The following SYT9 variants were observed in gnomAD, a reference collection of about 807,000 sequenced individuals.
SYT9 encodes synaptotagmin-9.
A neutral mutation model predicts 48.4 loss-of-function variants in SYT9; 22 were observed. That is an observed-to-expected ratio of 0.45 (90% confidence interval 0.32 to 0.65). SYT9 has a LOEUF of 0.65. Ranked by LOEUF, SYT9 falls within the 30% of genes least tolerant of loss-of-function variation. The pLI is 0.03. For synonymous variants in SYT9, 265 were observed against 245.0 expected (o/e 1.08, Z -0.76); for missense variants, 577 against 622.0 (o/e 0.93, Z 0.77).
chr11:7,328,093 ATAATAAT>A (rs199849094), intron 3 of SYT9, among the ~76,000 whole-genome samples: 1,684 of 113,654 alleles, frequency 0.015, 31 homozygotes, highest in African/African-American at 0.05. Context: ...AATAATAATA[ATAATAAT>A]TTTAAAAAAA....
At chr11:7,303,903 G>A (rs939604847) in intron 2 of SYT9, among the ~76,000 whole-genome samples, 4 of 152,254 alleles carry the variant, frequency 2.6e-5, no homozygotes, top group Middle Eastern at 3.4e-3. Context: ...AGACTCCGCC[G>A]TGTGGCTGGA....
intron 3 of SYT9, among the ~76,000 whole-genome samples, chr11:7,402,350 T>G (rs1406747988): frequency 6.6e-6 from 1 of 152,092 alleles, no homozygotes; most frequent in Non-Finnish European, 1.5e-5. Flanking sequence ...TCATGTTGAT[T>G]GATAACATTG....
At chr11:7,444,500 T>C (rs746836814) in intron 6 of SYT9, 4 of 152,086 alleles carry the variant, frequency 2.6e-5, no homozygotes, top group Non-Finnish European at 5.9e-5. Context: ...ATTCAGCATA[T>C]TCATTTTATC....
chr11:7,325,111 T>C (rs1849406738), intron 3 of SYT9, among the ~76,000 whole-genome samples: 1 of 152,158 alleles, frequency 6.6e-6, no homozygotes, highest in African/African-American at 2.4e-5. Context: ...TCTTTGGCAT[T>C]TATAAAGTTT....
chr11:7,459,784 A>G (rs1351589425), intron 6 of SYT9, among the ~76,000 whole-genome samples: 1 of 152,212 alleles, frequency 6.6e-6, no homozygotes, highest in South Asian at 2.1e-4. Flanking sequence ...GGAGACTGCC[A>G]TGTGACAATG....
At chr11:7,423,871 TG>T (rs763497742) in intron 6 of SYT9, among the ~76,000 whole-genome samples, 2 of 152,260 alleles carry the variant, frequency 1.3e-5, no homozygotes, top group Non-Finnish European at 2.9e-5. Flanking sequence ...GACAGGCTGC[TG>T]TTATGCTCTC....
At chr11:7,339,207 A>G (rs1849676090) in intron 3 of SYT9, among the ~76,000 whole-genome samples, 1 of 151,754 alleles carries the variant, frequency 6.6e-6, no homozygotes, top group South Asian at 2.1e-4. Context: ...TTCTAGGTAG[A>G]TTTTCCTCCA....
intron 6 of SYT9, among the ~76,000 whole-genome samples, chr11:7,452,302 C>A (rs1286903764): frequency 6.6e-6 from 1 of 152,200 alleles, no homozygotes; most frequent in Non-Finnish European, 1.5e-5. Flanking sequence ...AATGTCCTGG[C>A]TCCCAGAGGC....
At chr11:7,453,302 G>A (rs369386393) in intron 6 of SYT9, among the ~76,000 whole-genome samples, 24 of 152,198 alleles carry the variant, frequency 1.6e-4, no homozygotes, top group African/African-American at 4.6e-4. Flanking sequence ...AGTACAAGCT[G>A]GGAAGATACT....
chr11:7,403,738 G>C (rs926210561), intron 3 of SYT9, among the ~76,000 whole-genome samples: 6 of 146,434 alleles, frequency 4.1e-5, no homozygotes. Flanking sequence ...AATATAATCT[G>C]TCCTGTATAG....
intron 6 of SYT9, chr11:7,457,427 C>CT (rs1243669028): frequency 2.0e-5 from 3 of 152,204 alleles, no homozygotes; most frequent in African/African-American, 7.2e-5. Context: ...GAGAATGGGC[C>CT]TAAGTGTTAT....
chr11:7,306,963 T>C lies in SYT9; in HGVS notation c.497+3573T>C, dbSNP rs1468970922. 5.3e-5 allele frequency among the ~76,000 whole-genome samples: 8 copies of C among 152,200 alleles called. No homozygotes were observed. The East Asian group carries it at 1.3e-3, about 26-fold the overall frequency. On this transcript the variant is annotated intron_variant, in intron 2 of 6. Transcript: ENST00000318881. ...TTCCATGAATGACTGACAGAATACA[T>C]TGGTCAATATCAGGCCACTTTTCTC...
At chr11:7,379,878 T>A (rs1850528766) in intron 3 of SYT9, among the ~76,000 whole-genome samples, 1 of 152,112 alleles carries the variant, frequency 6.6e-6, no homozygotes, top group Non-Finnish European at 1.5e-5. Flanking sequence ...GGAGAGCAGT[T>A]TGGAGGTTCT....
chr11:7,429,445 A>G (rs543940453), intron 6 of SYT9, among the ~76,000 whole-genome samples: 46 of 152,344 alleles, frequency 3.0e-4, no homozygotes, highest in African/African-American at 9.6e-4. Context: ...CATAGATACA[A>G]AGAAACCAGA....
At chr11:7,389,954 C>T (rs899552572) in intron 3 of SYT9, among the ~76,000 whole-genome samples, 2 of 152,202 alleles carry the variant, frequency 1.3e-5, no homozygotes, top group East Asian at 3.9e-4. Flanking sequence ...CTATGCCCAG[C>T]CAACTTTCTG....
At chr11:7,351,053 C>A (rs958671647) in intron 3 of SYT9, among the ~76,000 whole-genome samples, 7 of 152,052 alleles carry the variant, frequency 4.6e-5, no homozygotes, top group African/African-American at 1.7e-4. Context: ...AAGATCAAAG[C>A]GGCCAGCTAA....
intron 3 of SYT9, among the ~76,000 whole-genome samples, chr11:7,392,993 CTT>C (rs1402908525): frequency 1.3e-5 from 2 of 152,018 alleles, no homozygotes; most frequent in Admixed American, 1.3e-4. Flanking sequence ...GTCTAGGAGA[CTT>C]TGGTGGAGAC....
chr11:7,289,464 A>G (rs1198102884), intron 1 of SYT9, among the ~76,000 whole-genome samples: 1 of 152,218 alleles, frequency 6.6e-6, no homozygotes, highest in Admixed American at 6.5e-5. Flanking sequence ...AAATGGTTAA[A>G]ATGGTAAATT....
intron 3 of SYT9, among the ~76,000 whole-genome samples, chr11:7,403,740 C>A (rs1309758788): frequency 6.9e-6 from 1 of 144,002 alleles, no homozygotes. Flanking sequence ...TATAATCTGT[C>A]CTGTATAGTG....
Sources: allele counts gnomAD v4.1 joint callset (sites outside exome capture counted in the v4.1 genomes callset), GRCh38; gene constraint gnomAD v4.1.1; transcripts MANE v1.5; gene names NCBI Gene and HGNC (gene_info 2026-07-23, HGNC 2026-07-21).